KCNK1: variants seen among roughly 807,000 people sequenced by gnomAD.
KCNK1 encodes potassium two pore domain channel subfamily K member 1.
A neutral mutation model predicts 22.2 loss-of-function variants in KCNK1; 10 were observed. The observed-to-expected ratio is 0.45, with a 90% confidence interval of 0.28 to 0.76. The LOEUF is 0.76. Ranked by LOEUF, KCNK1 falls within the 30% of genes least tolerant of loss-of-function variation. The pLI, the probability that KCNK1 is intolerant of heterozygous loss-of-function variation, is 0.14. For missense variants in KCNK1, 378 were observed against 421.0 expected (o/e 0.90, Z 0.89); for synonymous variants, 200 against 186.4 (o/e 1.07, Z -0.60).
At chr1:233,620,595 C>T (rs1657564739) in intron 1 of KCNK1, among the ~76,000 whole-genome samples, 1 of 152,098 alleles carries the variant, frequency 6.6e-6, no homozygotes, top group South Asian at 2.1e-4. Flanking sequence ...ATTATATCTA[C>T]TATAGAATTT....
intron 1 of KCNK1, among the ~76,000 whole-genome samples, chr1:233,615,291 C>A (rs1657468408): frequency 6.6e-6 from 1 of 152,212 alleles, no homozygotes; most frequent in Non-Finnish European, 1.5e-5. Context: ...TGCGAGGCTC[C>A]CCATAAACTT....
chr1:233,654,983 T>A (rs914242257), intron 1 of KCNK1, among the ~76,000 whole-genome samples: 1 of 151,572 alleles, frequency 6.6e-6, no homozygotes, highest in African/African-American at 2.4e-5. Flanking sequence ...GATAGCCGAG[T>A]GGTAGGACCA....
At chr1:233,650,789 C>T (rs1056451939) in intron 1 of KCNK1, among the ~76,000 whole-genome samples, 35 of 135,740 alleles carry the variant, frequency 2.6e-4, no homozygotes, top group Admixed American at 1.6e-4. Flanking sequence ...TAAAGTCTTT[C>T]GAACAATAGA....
At chr1:233,629,132 T>TA (rs1347736982) in intron 1 of KCNK1, among the ~76,000 whole-genome samples, 2 of 152,118 alleles carry the variant, frequency 1.3e-5, no homozygotes, top group Non-Finnish European at 2.9e-5. Context: ...ATCACTGAAA[T>TA]ATAAAAGCCC....
intron 1 of KCNK1, among the ~76,000 whole-genome samples, chr1:233,660,209 G>A (rs955227581): frequency 4.6e-5 from 7 of 152,082 alleles, no homozygotes; most frequent in African/African-American, 1.2e-4. Flanking sequence ...TGATATTTAC[G>A]TTAATGTCTT....
chr1:233,632,190 C>G (rs1657809855), intron 1 of KCNK1, among the ~76,000 whole-genome samples: 2 of 152,216 alleles, frequency 1.3e-5, no homozygotes, highest in Admixed American at 1.3e-4. Context: ...AGGGAACTCT[C>G]TCATTTTATT....
At chr1:233,670,864 C>G (rs953299371) in intron 2 of KCNK1, among the ~76,000 whole-genome samples, 1 of 152,172 alleles carries the variant, frequency 6.6e-6, no homozygotes, top group African/African-American at 2.4e-5. Context: ...AAAACAAAAA[C>G]TTTTCTAAAA....
rs1658493114 is a variant in KCNK1 at position 233,666,595 on chromosome 1, G to A, written c.356G>A (p.Gly119Asp). ...CTCAGTGACCTTGTTCTCCTTGCAG[G>A]TTATGGCCACACCGTGCCCTTGTCA... ...FFASTVLSTT[G>D]YGHTVPLSDG... Residue 119 changes from glycine to aspartate, a missense_variant and splice_region_variant, in exon 2 of 3, where the codon GGT (glycine) becomes GAT (aspartate). Transcript: ENST00000366621. 6.2e-7 allele frequency: 1 copy of A among 1,600,062 alleles called. No homozygotes were observed. Among genetic ancestry groups the A allele is most frequent in the Admixed American group, 1.7e-5 (1 of 58,700 alleles).
intron 1 of KCNK1, chr1:233,660,777 A>G (rs1571903621): frequency 6.6e-6 from 1 of 152,206 alleles, no homozygotes; most frequent in Non-Finnish European, 1.5e-5. Context: ...CAGGAAAGAC[A>G]TCATTGTTCT....
chr1:233,630,253 A>T (rs888641382), intron 1 of KCNK1, among the ~76,000 whole-genome samples: 10 of 152,214 alleles, frequency 6.6e-5, no homozygotes, highest in African/African-American at 9.6e-5. Context: ...AATCGTGTTT[A>T]TACTGTTAAT....
chr1:233,640,686 T>C (rs1657984919), intron 1 of KCNK1, among the ~76,000 whole-genome samples: 1 of 152,064 alleles, frequency 6.6e-6, no homozygotes, highest in Non-Finnish European at 1.5e-5. Context: ...GTCTGGCTCT[T>C]GTGCTATGGT....
At chr1:233,651,962 A>G (rs952662138) in intron 1 of KCNK1, among the ~76,000 whole-genome samples, 2 of 152,250 alleles carry the variant, frequency 1.3e-5, no homozygotes, top group South Asian at 2.1e-4. Context: ...ACAAGGGATG[A>G]CCTGGACATT....
chr1:233,627,122 G>A (rs995702118), intron 1 of KCNK1, among the ~76,000 whole-genome samples: 1 of 152,074 alleles, frequency 6.6e-6, no homozygotes, highest in African/African-American at 2.4e-5. Flanking sequence ...GTGACTCTCA[G>A]AAAAACACCT....
intron 1 of KCNK1, chr1:233,655,925 A>T (rs1658288641): frequency 6.6e-6 from 1 of 152,138 alleles, no homozygotes; most frequent in African/African-American, 2.4e-5. Context: ...AACGGCTCCA[A>T]TGCCAAGGGC....
chr1:233,622,562 T>C (rs977309712), intron 1 of KCNK1, among the ~76,000 whole-genome samples: 5 of 152,156 alleles, frequency 3.3e-5, no homozygotes, highest in African/African-American at 7.2e-5. Flanking sequence ...ATCCCTTATT[T>C]TTTGTTCAAT....
In KCNK1 at chr1:233,614,240, C is replaced by T. The variant is rs781705503; in HGVS notation, c.69C>T (p.Phe23=). 3.1e-6 allele frequency: 5 copies of T among 1,612,404 alleles called. No individual in the cohort carries two copies. The highest frequency in any genetic ancestry group is 1.1e-5 in the South Asian group (1 of 90,980). ...LVERHRSAWC[F]GFLVLGYLLY... ...AGCGGCACCGCTCGGCCTGGTGCTT[C>T]GGCTTCCTGGTGCTGGGCTACTTGC... Residue 23 remains phenylalanine, a synonymous_variant, in exon 1 of 3, where the codon TTC becomes TTT. Transcript: ENST00000366621.
At chr1:233,628,760 A>AAT (rs1657738099) in intron 1 of KCNK1, among the ~76,000 whole-genome samples, 2 of 148,728 alleles carry the variant, frequency 1.3e-5, no homozygotes, top group African/African-American at 5.2e-5. Context: ...ACTCTGTCTC[A>AAT]AATAATAATA....
intron 1 of KCNK1, among the ~76,000 whole-genome samples, chr1:233,652,545 C>T (rs913646185): frequency 6.6e-6 from 1 of 152,072 alleles, no homozygotes; most frequent in African/African-American, 2.4e-5. Context: ...CATAACATAC[C>T]GAATGCTTTC....
chr1:233,640,802 T>G (rs1413974923), intron 1 of KCNK1, among the ~76,000 whole-genome samples: 1 of 152,124 alleles, frequency 6.6e-6, no homozygotes, highest in East Asian at 1.9e-4. Context: ...CCTCCCAGGT[T>G]CAAGTGATTC....
Sources: gnomAD v4.1 joint callset for allele counts (sites outside exome capture counted in the v4.1 genomes callset) on GRCh38, gnomAD v4.1.1 for gene constraint, MANE v1.5 for transcripts, NCBI Gene and HGNC (gene_info 2026-07-23, HGNC 2026-07-21) for gene names.